The following JAM3 variants were observed in gnomAD, a reference collection of about 807,000 sequenced individuals.
JAM3 encodes the protein junctional adhesion molecule C.
Under a neutral mutation model 39.4 loss-of-function variants are expected in JAM3, and 31 were observed. That is an observed-to-expected ratio of 0.79 (90% CI 0.59 to 1.06). JAM3 has a LOEUF of 1.06. JAM3 is among the 50% of genes least tolerant of loss of function. JAM3 has a pLI of 0.00. For synonymous variants in JAM3, 182 were observed against 148.7 expected (o/e 1.22, Z -1.63); for missense variants, 455 against 391.4 (o/e 1.16, Z -1.37).
intron 1 of JAM3, among the ~76,000 whole-genome samples, chr11:134,091,580 C>T (rs1054222618): frequency 1.3e-5 from 2 of 150,862 alleles, no homozygotes; most frequent in African/African-American, 2.4e-5. Flanking sequence ...CAGTGAGCTA[C>T]GATTGTGTCA....
intron 3 of JAM3, among the ~76,000 whole-genome samples, chr11:134,142,739 C>T (rs776840713): frequency 6.6e-6 from 1 of 152,064 alleles, no homozygotes; most frequent in Non-Finnish European, 1.5e-5. Flanking sequence ...TTTTCATCAT[C>T]CCACAGAGAA....
chr11:134,099,894 C>T (rs941213448), intron 1 of JAM3, among the ~76,000 whole-genome samples: 1 of 152,192 alleles, frequency 6.6e-6, no homozygotes, highest in Admixed American at 6.5e-5. Flanking sequence ...CGTGAGCCAC[C>T]GCGCCCGGCT....
chr11:134,124,332 G>A lies in JAM3; in HGVS notation c.77-15519G>A, dbSNP rs1942598101. 1.7e-5 allele frequency: 13 copies of A among 761,828 alleles called. No homozygotes were observed. In the South Asian group the frequency reaches 1.9e-4, roughly 11 times the overall value. 47.2% of individuals were successfully genotyped at this position (761,828 alleles called of 1,614,324 possible). A position where few individuals can be genotyped will look rare whatever the true frequency, so the allele number is the denominator to read the frequency against. ...CACAGGGGCTGGACGGTTCATTATG[G>A]CAAATGAAAAATGTGAGTGTGCGTG... On this transcript the variant is annotated intron_variant, in intron 1 of 8. Transcript: ENST00000299106.
intron 1 of JAM3, among the ~76,000 whole-genome samples, chr11:134,073,861 C>G (rs1941521489): frequency 1.3e-5 from 2 of 152,162 alleles, no homozygotes; most frequent in African/African-American, 4.8e-5. Context: ...ATTTCTTAAA[C>G]ACTCTCTTTG....
chr11:134,099,428 AC>A (rs1942036501), intron 1 of JAM3, among the ~76,000 whole-genome samples: 1 of 151,968 alleles, frequency 6.6e-6, no homozygotes, highest in Non-Finnish European at 1.5e-5. Flanking sequence ...GATTTGAGGG[AC>A]CCATTTAGAT....
At chr11:134,074,005 G>C (rs1941524275) in intron 1 of JAM3, among the ~76,000 whole-genome samples, 1 of 152,176 alleles carries the variant, frequency 6.6e-6, no homozygotes, top group African/African-American at 2.4e-5. Context: ...TTTAATTTCA[G>C]AATCTTTCTG....
chr11:134,094,895 G>C (rs1941949562), intron 1 of JAM3, among the ~76,000 whole-genome samples: 1 of 152,200 alleles, frequency 6.6e-6, no homozygotes, highest in South Asian at 2.1e-4. Flanking sequence ...GCTCAATAAT[G>C]TTCGACATTT....
At chr11:134,084,467 C>T (rs764850303) in intron 1 of JAM3, among the ~76,000 whole-genome samples, 7 of 152,182 alleles carry the variant, frequency 4.6e-5, no homozygotes, top group Non-Finnish European at 7.3e-5. Context: ...CCTATCAAAG[C>T]ATCTAAAAGT....
chr11:134,137,328 CTGT>C (rs1197242733), intron 1 of JAM3, among the ~76,000 whole-genome samples: 1 of 152,236 alleles, frequency 6.6e-6, no homozygotes, highest in African/African-American at 2.4e-5. Context: ...TCTAGTTCAC[CTGT>C]TGTTACCAAC....
intron 1 of JAM3, among the ~76,000 whole-genome samples, chr11:134,084,784 G>A (rs1239945124): frequency 1.3e-5 from 2 of 152,190 alleles, no homozygotes; most frequent in Non-Finnish European, 2.9e-5. Flanking sequence ...CTAGCAGTGT[G>A]TCCTCAAATT....
At chr11:134,129,957 G>A (rs1264111239) in intron 1 of JAM3, among the ~76,000 whole-genome samples, 7 of 152,104 alleles carry the variant, frequency 4.6e-5, no homozygotes, top group South Asian at 2.1e-4. Flanking sequence ...AGCCGAGATC[G>A]CGCCACTGCA....
intron 1 of JAM3, among the ~76,000 whole-genome samples, chr11:134,138,251 G>A (rs1174284290): frequency 3.0e-5 from 3 of 101,084 alleles, no homozygotes; most frequent in African/African-American, 8.9e-5. Flanking sequence ...GTGGCGTCTC[G>A]TCGAAGTCGT....
Position 134,150,463 on chromosome 11 carries a change from C to T in JAM3, c.*1282C>T, listed in dbSNP as rs1344014940. 2 of 152,244 alleles carry T rather than the reference C, an allele frequency of 1.3e-5. No homozygotes were observed. Among genetic ancestry groups the T allele is most frequent in the Non-Finnish European group, 2.9e-5 (2 of 68,062 alleles). 9.4% of individuals were successfully genotyped at this position (152,244 alleles called of 1,614,324 possible). Reference sequence around the variant, plus strand: ...CAGGAGGCCCTGCCATCCTTGGGCCCTGGCAGTGGCTGTGTCCCAGTGAGC... The same window carrying T: ...CAGGAGGCCCTGCCATCCTTGGGCCTTGGCAGTGGCTGTGTCCCAGTGAGC... On this transcript the variant is annotated 3_prime_UTR_variant, in exon 9 of 9. Coordinates refer to ENST00000299106, the MANE Select transcript of JAM3 (RefSeq NM_032801.5).
intron 1 of JAM3, among the ~76,000 whole-genome samples, chr11:134,085,901 G>A (rs1223246783): frequency 1.3e-5 from 2 of 152,190 alleles, no homozygotes; most frequent in African/African-American, 2.4e-5. Flanking sequence ...GGGCTGACAA[G>A]TGTTTCTGTT....
intron 1 of JAM3, among the ~76,000 whole-genome samples, chr11:134,074,609 CTG>C (rs1172605947): frequency 6.6e-6 from 1 of 152,166 alleles, no homozygotes; most frequent in Non-Finnish European, 1.5e-5. Flanking sequence ...AGCTGGAAAA[CTG>C]AGAGCTGCCG....
chr11:134,080,475 G>C (rs962864264), intron 1 of JAM3, among the ~76,000 whole-genome samples: 1 of 152,164 alleles, frequency 6.6e-6, no homozygotes, highest in South Asian at 2.1e-4. Flanking sequence ...TGAATCATGG[G>C]GTGGGTCTTT....
intron 1 of JAM3, among the ~76,000 whole-genome samples, chr11:134,095,153 G>A (rs897661250): frequency 6.6e-6 from 1 of 152,158 alleles, no homozygotes; most frequent in Non-Finnish European, 1.5e-5. Flanking sequence ...AGAAAAGTTC[G>A]AAGAGAGAAA....
chr11:134,137,768 A>G (rs1264750929), intron 1 of JAM3, among the ~76,000 whole-genome samples: 1 of 73,766 alleles, frequency 1.4e-5, no homozygotes, highest in East Asian at 4.1e-4. Context: ...ATACTGAGAG[A>G]AATGTTTATG....
Position 134,151,481 on chromosome 11 carries a change from C to G in JAM3, c.*2300C>G, listed in dbSNP as rs1943233285. On this transcript the variant is annotated 3_prime_UTR_variant, in exon 9 of 9. Coordinates refer to ENST00000299106, the MANE Select transcript of JAM3 (RefSeq NM_032801.5). Reference sequence around the variant, plus strand: ...TGCCCCCTCTTCTTATACCCTAAAACCTTCTACACTAGTGCCATGGGAACC... The same window carrying G: ...TGCCCCCTCTTCTTATACCCTAAAAGCTTCTACACTAGTGCCATGGGAACC... 1 of 152,168 alleles carries G rather than the reference C, an allele frequency of 6.6e-6. No homozygotes were observed. The highest frequency in any genetic ancestry group is 2.4e-5 in the African/African-American group (1 of 41,418). 9.4% of individuals were successfully genotyped at this position (152,168 alleles called of 1,614,324 possible).
Sources: gnomAD v4.1 joint callset for allele counts (sites outside exome capture counted in the v4.1 genomes callset) on GRCh38, gnomAD v4.1.1 for gene constraint, MANE v1.5 for transcripts, NCBI Gene and HGNC (gene_info 2026-07-23, HGNC 2026-07-21) for gene names.